AGMO: variants seen among roughly 807,000 people sequenced by gnomAD.
The protein encoded by AGMO is alkylglycerol monooxygenase.
In AGMO, 75 loss-of-function variants were observed where a neutral mutation model predicts 60.2. The ratio of observed to expected loss-of-function variants is 1.25; its 90% CI spans 1.03 to 1.51. AGMO has a LOEUF of 1.51. Among genes scored for constraint, AGMO ranks in the 40% most tolerant of loss-of-function variants. AGMO has a pLI of 0.00. For synonymous variants in AGMO, 261 were observed against 177.1 expected, an observed-to-expected ratio of 1.47 and a Z score of -3.76; for missense variants, 763 against 525.5, an observed-to-expected ratio of 1.45 and a Z score of -4.42.
intron 12 of AGMO, among the ~76,000 whole-genome samples, chr7:15,308,150 T>C (rs1180578020): frequency 6.6e-6 from 1 of 152,148 alleles, no homozygotes; most frequent in East Asian, 1.9e-4. Context: ...ATTTAAAGTA[T>C]GTCTGTTCTA....
chr7:15,485,252 G>A (rs1782882765), intron 3 of AGMO, among the ~76,000 whole-genome samples: 1 of 151,874 alleles, frequency 6.6e-6, no homozygotes, highest in Non-Finnish European at 1.5e-5. Flanking sequence ...GGGAAGCAGA[G>A]GTTGCAGTGA....
At chr7:15,549,547 A>G (rs1184263129) in intron 2 of AGMO, among the ~76,000 whole-genome samples, 2 of 151,590 alleles carry the variant, frequency 1.3e-5, no homozygotes, top group Non-Finnish European at 2.9e-5. Context: ...CTTTAAACCA[A>G]CAAAGATCAA....
intron 12 of AGMO, among the ~76,000 whole-genome samples, chr7:15,326,696 A>C (rs6948182): frequency 0.86 from 131,595 of 152,200 alleles, 57,251 homozygotes; most frequent in East Asian, 0.98. Context: ...ATACCATAAT[A>C]CCTATGAAAT....
chr7:15,298,854 C>A lies in AGMO; in HGVS notation c.1263+66660G>T, dbSNP rs187881990. Among the ~76,000 whole-genome samples, 501 of 152,238 alleles carry A rather than the reference C, an allele frequency of 3.3e-3. 1 individual carries two copies. The highest frequency in any genetic ancestry group is 0.011 in the African/African-American group (467 of 41,558). On this transcript the variant is annotated intron_variant, in intron 12 of 12. Coordinates refer to ENST00000342526, the MANE Select transcript of AGMO (RefSeq NM_001004320.2). The stretch of plus-strand genomic sequence containing the variant: ...TTGGAATACAACTGCTTTAGTATAA[C>A]ATATCTTCTGATTTTCTTATTGTCC...
chr7:15,391,584 C>A (rs1036239794), intron 6 of AGMO, among the ~76,000 whole-genome samples: 7 of 152,218 alleles, frequency 4.6e-5, no homozygotes, highest in African/African-American at 1.7e-4. Flanking sequence ...CAAGCCATTA[C>A]CCCAAGAAGC....
the AGMO span, among the ~76,000 whole-genome samples, chr7:15,185,579 CAGTCGGCA>C: frequency 6.6e-6 from 1 of 152,102 alleles, no homozygotes; most frequent in Non-Finnish European, 1.5e-5. Flanking sequence ...TCATGACTGC[CAGTCGGCA>C]TCCCAAGGAG....
rs557553382 is a variant in AGMO at position 15,304,919 on chromosome 7, G to C, written c.1263+60595C>G. ...TAACAAATGATTTAGTTAAATCTTG[G>C]AGAGCACACTGGATAAAAATTTTCT... On this transcript the variant is annotated intron_variant, in intron 12 of 12. Transcript: ENST00000342526. Among the ~76,000 whole-genome samples the C allele has an allele frequency of 7.2e-5, 11 of 152,046 alleles. No individual in the cohort carries two copies. In the East Asian group the frequency reaches 1.7e-3, roughly 24 times the overall value.
chr7:15,384,630 T>C (rs973058703), intron 10 of AGMO, among the ~76,000 whole-genome samples: 16 of 152,126 alleles, frequency 1.1e-4, no homozygotes, highest in Non-Finnish European at 2.2e-4. Context: ...CTGAGGTTTT[T>C]CATGGGGTGC....
In AGMO at chr7:15,540,878, T is replaced by C. The variant is rs143656044; in HGVS notation, c.409+3894A>G. ...ATATAGAAAATGTATAAATTTTAAG[T>C]GTACAACCAACTCAATGAATTTTTA... On this transcript the variant is annotated intron_variant, in intron 3 of 12. Transcript: ENST00000342526. Among the ~76,000 whole-genome samples, 32 of 152,288 alleles carry C rather than the reference T, an allele frequency of 2.1e-4. No individual in the cohort carries two copies. In the East Asian group the frequency reaches 5.6e-3, roughly 27 times the overall value.
In AGMO at chr7:15,388,353, G is replaced by C. The variant is rs564048507; in HGVS notation, c.823-813C>G. Among the ~76,000 whole-genome samples the C allele has an allele frequency of 2.6e-5, 4 of 152,116 alleles. No individual in the cohort carries two copies. The South Asian group carries it at 8.3e-4, about 32-fold the overall frequency. On this transcript the variant is annotated intron_variant, in intron 8 of 12. Coordinates refer to ENST00000342526, the MANE Select transcript of AGMO (RefSeq NM_001004320.2). ...AAAAATTAAAAAAATTGCAACCTCA[G>C]GCATATGGGTTAATGGAATAGATCT...
chr7:15,183,021 A>G, the AGMO span, among the ~76,000 whole-genome samples: 12 of 152,126 alleles, frequency 7.9e-5, no homozygotes, highest in East Asian at 7.8e-4. Context: ...CCATGATTCA[A>G]TCACCTCCCA....
chr7:15,530,750 A>ATAGATATTCTATATATACATTTC (rs1784291220), intron 3 of AGMO, among the ~76,000 whole-genome samples: 2 of 141,268 alleles, frequency 1.4e-5, no homozygotes, highest in Non-Finnish European at 3.0e-5. Flanking sequence ...ACATTTCTAT[A>ATAGATATTCTATATATACATTTC]TAGATATTCT....
chr7:15,516,865 G>T (rs1211397309), intron 3 of AGMO, among the ~76,000 whole-genome samples: 1 of 152,058 alleles, frequency 6.6e-6, no homozygotes, highest in Non-Finnish European at 1.5e-5. Flanking sequence ...GAGAGAGCAG[G>T]ATGGGAGGAT....
intron 3 of AGMO, among the ~76,000 whole-genome samples, chr7:15,531,662 A>AT (rs1289039598): frequency 6.1e-4 from 81 of 131,988 alleles, no homozygotes; most frequent in African/African-American, 2.3e-3. Context: ...AAATATATAT[A>AT]TTTTTTTAGA....
At chr7:15,238,462 T>G (rs563820744) in intron 12 of AGMO, among the ~76,000 whole-genome samples, 10 of 152,000 alleles carry the variant, frequency 6.6e-5, no homozygotes, top group Non-Finnish European at 1.5e-4. Context: ...AGTTGATAGA[T>G]ATCCCAAATA....
the AGMO span, among the ~76,000 whole-genome samples, chr7:15,191,761 GT>G: frequency 3.9e-5 from 6 of 151,994 alleles, no homozygotes; most frequent in African/African-American, 1.2e-4. Context: ...TATTTGCCAA[GT>G]TAGTATATTT....
intron 3 of AGMO, among the ~76,000 whole-genome samples, chr7:15,504,783 A>AAT (rs1783468693): frequency 6.6e-6 from 1 of 151,794 alleles, no homozygotes; most frequent in African/African-American, 2.4e-5. Context: ...TTAAAATAAA[A>AAT]AAAAAAAAAG....
chr7:15,249,584 A>G (rs1227156111), intron 12 of AGMO, among the ~76,000 whole-genome samples: 1 of 152,172 alleles, frequency 6.6e-6, no homozygotes, highest in African/African-American at 2.4e-5. Context: ...CTTTTCCATA[A>G]AAAGTCATTC....
At chr7:15,425,815 T>C (rs1781045141) in intron 4 of AGMO, among the ~76,000 whole-genome samples, 1 of 152,186 alleles carries the variant, frequency 6.6e-6, no homozygotes, top group Non-Finnish European at 1.5e-5. Context: ...AAACATACTG[T>C]GCTAAATCTT....
Sources: gnomAD v4.1 joint callset for allele counts (sites outside exome capture counted in the v4.1 genomes callset) on GRCh38, gnomAD v4.1.1 for gene constraint, MANE v1.5 for transcripts, NCBI Gene and HGNC (gene_info 2026-07-23, HGNC 2026-07-21) for gene names.